Variants in HS3ST4 observed in about 807,000 individuals in gnomAD.
HS3ST4 encodes the protein heparan sulfate-glucosamine 3-sulfotransferase 4, also known as heparan sulfate glucosamine 3-O-sulfotransferase 4.
HS3ST4 carries 17 observed loss-of-function variants against 29.2 expected under a neutral mutation model. The observed-to-expected ratio is 0.58, with a 90% CI of 0.40 to 0.87. HS3ST4 has a LOEUF of 0.87. Ranked by LOEUF, HS3ST4 falls within the 40% of genes least tolerant of loss-of-function variation. The pLI, the probability that HS3ST4 is intolerant of heterozygous loss-of-function variation, is 0.00. For missense variants in HS3ST4, 627 were observed against 634.5 expected (o/e 0.99, Z 0.13); for synonymous variants, 314 against 285.7 (o/e 1.10, Z -1.00).
intron 1 of HS3ST4, among the ~76,000 whole-genome samples, chr16:25,693,893 C>G (rs780862755): frequency 8.5e-5 from 13 of 152,172 alleles, no homozygotes; most frequent in Non-Finnish European, 1.2e-4. Context: ...ATGTTCATCT[C>G]CCTCCTTTCC....
intron 1 of HS3ST4, among the ~76,000 whole-genome samples, chr16:25,841,881 A>G (rs1448476644): frequency 6.6e-6 from 1 of 152,232 alleles, no homozygotes; most frequent in East Asian, 1.9e-4. Flanking sequence ...GGGATTATCC[A>G]TAGATAAGAG....
At chr16:26,070,649 C>T (rs1030197133) in intron 1 of HS3ST4, among the ~76,000 whole-genome samples, 1 of 152,136 alleles carries the variant, frequency 6.6e-6, no homozygotes, top group African/African-American at 2.4e-5. Context: ...GATCGTTCAC[C>T]CTAGAAGGAT....
chr16:26,026,684 C>G (rs546296343), intron 1 of HS3ST4, among the ~76,000 whole-genome samples: 1 of 152,282 alleles, frequency 6.6e-6, no homozygotes, highest in East Asian at 1.9e-4. Context: ...GATTTCTGCT[C>G]ATGTCATTTC....
intron 1 of HS3ST4, among the ~76,000 whole-genome samples, chr16:25,852,616 C>G (rs1967533054): frequency 6.7e-6 from 1 of 149,748 alleles, no homozygotes; most frequent in African/African-American, 2.5e-5. Flanking sequence ...TCGATACATT[C>G]TGGATTTCAA....
At position 25,773,049 on chromosome 16, in the gene HS3ST4, A is replaced by G. The variant is rs572398290; in HGVS notation, c.734+79898A>G. ...ATTAGGAAAAAGAAGAAATTGGATC[A>G]GACAACCATACATAGCGATACATGC... On this transcript the variant is annotated intron_variant, in intron 1 of 1. Coordinates refer to ENST00000331351, the MANE Select transcript of HS3ST4 (RefSeq NM_006040.3). Among the ~76,000 whole-genome samples, 8 of 152,340 alleles carry G rather than the reference A, an allele frequency of 5.3e-5. No homozygotes were observed. The East Asian group carries it at 1.5e-3, about 29-fold the overall frequency.
chr16:26,064,207 T>C (rs1898515135), intron 1 of HS3ST4, among the ~76,000 whole-genome samples: 1 of 152,204 alleles, frequency 6.6e-6, no homozygotes, highest in Non-Finnish European at 1.5e-5. Flanking sequence ...CAGGAGGGAA[T>C]GCCCAGTGTA....
intron 1 of HS3ST4, among the ~76,000 whole-genome samples, chr16:26,107,675 A>G (rs1567313777): frequency 6.6e-6 from 1 of 152,242 alleles, no homozygotes; most frequent in East Asian, 1.9e-4. Context: ...TACTTCACAT[A>G]GAATAATGGC....
chr16:25,744,855 C>T (rs1410853825), intron 1 of HS3ST4, among the ~76,000 whole-genome samples: 1 of 152,214 alleles, frequency 6.6e-6, no homozygotes, highest in African/African-American at 2.4e-5. Flanking sequence ...ACGTGAATTG[C>T]TCCTCCTTGC....
At chr16:25,993,263 T>C (rs1426317898) in intron 1 of HS3ST4, among the ~76,000 whole-genome samples, 1 of 152,122 alleles carries the variant, frequency 6.6e-6, no homozygotes, top group Non-Finnish European at 1.5e-5. Flanking sequence ...TGAGGTGTTA[T>C]TCAGGGTTTC....
chr16:25,801,225 A>G (rs1966930597), intron 1 of HS3ST4, among the ~76,000 whole-genome samples: 1 of 152,126 alleles, frequency 6.6e-6, no homozygotes, highest in East Asian at 1.9e-4. Flanking sequence ...CTTTTGCTTA[A>G]TTTATCGTGG....
intron 1 of HS3ST4, among the ~76,000 whole-genome samples, chr16:25,889,848 G>C (rs114005680): frequency 0.011 from 1,631 of 152,196 alleles, 34 homozygotes; most frequent in African/African-American, 0.038. Flanking sequence ...GCTGTTCTCT[G>C]ATAGTGAGTA....
At chr16:26,093,645 A>G (rs1898885702) in intron 1 of HS3ST4, among the ~76,000 whole-genome samples, 1 of 152,214 alleles carries the variant, frequency 6.6e-6, no homozygotes, top group Admixed American at 6.5e-5. Flanking sequence ...ATAAAACCAC[A>G]AAGATTGGGA....
chr16:25,771,047 C>T (rs1966841287), intron 1 of HS3ST4, among the ~76,000 whole-genome samples: 1 of 151,866 alleles, frequency 6.6e-6, no homozygotes, highest in South Asian at 2.1e-4. Context: ...TAGGTATACA[C>T]GTGCCATGGT....
intron 1 of HS3ST4, among the ~76,000 whole-genome samples, chr16:25,734,957 A>AT (rs1966596999): frequency 6.6e-6 from 1 of 152,174 alleles, no homozygotes; most frequent in African/African-American, 2.4e-5. Context: ...CCCACCCTGG[A>AT]ATGTTCTCTA....
intron 1 of HS3ST4, among the ~76,000 whole-genome samples, chr16:25,730,556 G>A (rs1183508318): frequency 3.5e-5 from 3 of 85,470 alleles, no homozygotes; most frequent in Non-Finnish European, 6.9e-5. Flanking sequence ...ATCTCCCTCT[G>A]TTCCTCCCTC....
At chr16:25,980,340 T>C (rs1968991677) in intron 1 of HS3ST4, among the ~76,000 whole-genome samples, 1 of 152,230 alleles carries the variant, frequency 6.6e-6, no homozygotes, top group African/African-American at 2.4e-5. Context: ...AATGTCTCCT[T>C]ATCCTTCAGA....
intron 1 of HS3ST4, among the ~76,000 whole-genome samples, chr16:25,989,851 G>A (rs968502234): frequency 2.6e-5 from 4 of 152,220 alleles, no homozygotes; most frequent in Non-Finnish European, 5.9e-5. Flanking sequence ...TGCCAGGGTC[G>A]CTATAAAGTA....
chr16:25,703,385 A>G (rs1021477217), intron 1 of HS3ST4, among the ~76,000 whole-genome samples: 5 of 152,158 alleles, frequency 3.3e-5, no homozygotes, highest in Admixed American at 3.3e-4. Context: ...GGCTCCGAGT[A>G]TTGAATTCCT....
intron 1 of HS3ST4, among the ~76,000 whole-genome samples, chr16:25,899,901 A>G (rs1055579082): frequency 6.6e-6 from 1 of 152,166 alleles, no homozygotes; most frequent in Non-Finnish European, 1.5e-5. Flanking sequence ...GGATGGGTCA[A>G]TATAACAAGG....
Sources: allele counts gnomAD v4.1 joint callset (sites outside exome capture counted in the v4.1 genomes callset), GRCh38; gene constraint gnomAD v4.1.1; transcripts MANE v1.5; gene names NCBI Gene and HGNC (gene_info 2026-07-23, HGNC 2026-07-21).